Variants in ADGRV1 observed in about 807,000 individuals in gnomAD.
ADGRV1 encodes G-protein coupled receptor 98.
Under a neutral mutation model 596.2 loss-of-function variants are expected in ADGRV1, and 359 were observed. The ratio of observed to expected loss-of-function variants is 0.60; its 90% CI spans 0.55 to 0.66. The LOEUF (loss-of-function observed/expected upper bound fraction) is 0.66, where lower values mean the gene tolerates loss of function less well. Ranked by LOEUF, ADGRV1 falls within the 30% of genes least tolerant of loss-of-function variation. The pLI is 0.00. For missense variants in ADGRV1, 7,274 were observed against 7,575.6 expected, an observed-to-expected ratio of 0.96 and a Z score of 1.48; for synonymous variants, 2,681 against 2,679.2, an observed-to-expected ratio of 1.00 and a Z score of -0.02.
chr5:90,862,408 G>A (rs1043108642), intron 82 of ADGRV1, among the ~76,000 whole-genome samples: 3 of 151,876 alleles, frequency 2.0e-5, no homozygotes, highest in Admixed American at 6.6e-5. Context: ...ACATGCACAG[G>A]CATGCACATT....
intron 70 of ADGRV1, among the ~76,000 whole-genome samples, chr5:90,796,489 A>G (rs915896683): frequency 5.3e-5 from 8 of 152,232 alleles, no homozygotes; most frequent in Non-Finnish European, 7.3e-5. Flanking sequence ...TGAAAAGACT[A>G]CGTTTGATTG....
At chr5:91,115,241 G>A (rs2126716086) in intron 87 of ADGRV1, among the ~76,000 whole-genome samples, 1 of 152,296 alleles carries the variant, frequency 6.6e-6, no homozygotes, top group Non-Finnish European at 1.5e-5. Context: ...TGTACTCAAT[G>A]AGGTTAATCT....
At chr5:90,592,077 G>A (rs563815903) in intron 1 of ADGRV1, among the ~76,000 whole-genome samples, 49 of 152,324 alleles carry the variant, frequency 3.2e-4, no homozygotes, top group South Asian at 6.2e-4. Context: ...TTCCTTAAAA[G>A]TAGATCTGCC....
rs370292017 is a variant in ADGRV1 at position 91,099,320 on chromosome 5, C to T, written c.18311-2899C>T. 4.6e-5 allele frequency among the ~76,000 whole-genome samples: 7 copies of T among 152,216 alleles called. 2 individuals carry two copies. The South Asian group carries it at 1.4e-3, about 32-fold the overall frequency. On this transcript the variant is annotated intron_variant, in intron 86 of 89. Transcript: ENST00000405460. ...TTTCTCCTCACCACTTCCTTTCTCCCTCTTTGCCTCCTCTCCTTGTTCTTT... is the reference window on the plus strand; with the variant it reads ...TTTCTCCTCACCACTTCCTTTCTCCTTCTTTGCCTCCTCTCCTTGTTCTTT...
At chr5:91,004,471 A>G (rs1243220636) in intron 85 of ADGRV1, among the ~76,000 whole-genome samples, 1 of 151,836 alleles carries the variant, frequency 6.6e-6, no homozygotes, top group Non-Finnish European at 1.5e-5. Context: ...TATTCATCTG[A>G]TTTTTGGGGA....
At chr5:90,904,130 T>C (rs1214793281) in intron 83 of ADGRV1, among the ~76,000 whole-genome samples, 1 of 152,148 alleles carries the variant, frequency 6.6e-6, no homozygotes, top group Non-Finnish European at 1.5e-5. Context: ...CCATTGTGTA[T>C]GTGTACCACA....
intron 82 of ADGRV1, among the ~76,000 whole-genome samples, chr5:90,863,006 T>C (rs1459107050): frequency 6.6e-6 from 1 of 152,208 alleles, no homozygotes; most frequent in African/African-American, 2.4e-5. Flanking sequence ...CAAAGCAGTA[T>C]ACATATGTCA....
intron 64 of ADGRV1, 46 bp downstream of exon 64, chr5:90,779,143 GAA>G (rs767526761): frequency 1.6e-4 from 185 of 1,126,722 alleles, no homozygotes; most frequent in Middle Eastern, 9.8e-4. Flanking sequence ...AGAGCAGAGA[GAA>G]AGAGAGAAAG....
chr5:91,003,692 A>G (rs1225830299), intron 85 of ADGRV1, among the ~76,000 whole-genome samples: 2 of 152,224 alleles, frequency 1.3e-5, no homozygotes, highest in African/African-American at 2.4e-5. Flanking sequence ...TGGATATTTC[A>G]TGAACAGAGG....
chr5:91,055,422 C>T (rs1786754579), intron 85 of ADGRV1, among the ~76,000 whole-genome samples: 1 of 152,180 alleles, frequency 6.6e-6, no homozygotes, highest in South Asian at 2.1e-4. Context: ...CTGTCCTTTA[C>T]TGACTCCTTA....
At chr5:91,061,127 G>A (rs1275080133) in intron 85 of ADGRV1, among the ~76,000 whole-genome samples, 3 of 152,238 alleles carry the variant, frequency 2.0e-5, no homozygotes, top group South Asian at 2.1e-4. Flanking sequence ...TGGAGCAAGA[G>A]GTAAGAACAG....
At chr5:90,685,710 T>G in intron 28 of ADGRV1, 70 bp from the exon 29 acceptor site, 1 of 1,048,228 alleles carries the variant, frequency 9.5e-7, no homozygotes, top group East Asian at 2.5e-5. Context: ...TGAGGTTTCT[T>G]GATGACTTTT....
chr5:90,635,902 CTT>C (rs34780360), intron 10 of ADGRV1, among the ~76,000 whole-genome samples: 24 of 141,782 alleles, frequency 1.7e-4, no homozygotes, highest in African/African-American at 2.3e-4. Flanking sequence ...GCCTATAAAC[CTT>C]TTTTTTTTTT....
chr5:90,618,689 T>A (rs1763672036), intron 3 of ADGRV1, among the ~76,000 whole-genome samples: 1 of 152,138 alleles, frequency 6.6e-6, no homozygotes, highest in Non-Finnish European at 1.5e-5. Flanking sequence ...ATAGAATAAC[T>A]AATTCTAAAG....
At chr5:90,721,576 T>TAAAATA (rs1561595438) in intron 45 of ADGRV1, among the ~76,000 whole-genome samples, 1 of 119,914 alleles carries the variant, frequency 8.3e-6, no homozygotes, top group Non-Finnish European at 1.8e-5. Flanking sequence ...TAAAATAAAA[T>TAAAATA]AAAATAAAAT....
intron 85 of ADGRV1, among the ~76,000 whole-genome samples, chr5:91,039,585 A>T (rs974552403): frequency 1.3e-5 from 2 of 152,222 alleles, no homozygotes; most frequent in Non-Finnish European, 2.9e-5. Context: ...ATCCCAGAAC[A>T]TGGGGAAATA....
intron 75 of ADGRV1, 106 bp downstream of exon 75, chr5:90,815,842 G>A: frequency 1.5e-6 from 1 of 677,950 alleles, no homozygotes; most frequent in Non-Finnish European, 2.6e-6. Flanking sequence ...GAAGGAGGTA[G>A]TGTCGAATTT....
Position 90,737,455 on chromosome 5 carries a change from C to A in ADGRV1, c.10550-7591C>A, listed in dbSNP as rs1753390727. On this transcript the variant is annotated intron_variant, in intron 50 of 89. Coordinates refer to ENST00000405460, the MANE Select transcript of ADGRV1 (RefSeq NM_032119.4). ...ATGTCTGTTAGGTCTATTTGGTCTA[C>A]AGTGTAATTAAGTCCAGTGTTTTCT... Among the ~76,000 whole-genome samples the A allele has an allele frequency of 2.0e-5, 3 of 151,904 alleles. No individual in the cohort carries two copies. In the South Asian group the frequency reaches 6.2e-4, roughly 31 times the overall value.
intron 76 of ADGRV1, among the ~76,000 whole-genome samples, chr5:90,825,368 ATTATCAGTTATATGCAG>A (rs1763986164): frequency 6.6e-6 from 1 of 152,206 alleles, no homozygotes; most frequent in Non-Finnish European, 1.5e-5. Flanking sequence ...TCCTATGGAA[ATTATCAGTTATATGCAG>A]TGTTACAACT....
Sources: allele counts gnomAD v4.1 joint callset (sites outside exome capture counted in the v4.1 genomes callset), GRCh38; gene constraint gnomAD v4.1.1; transcripts MANE v1.5; gene names NCBI Gene and HGNC (gene_info 2026-07-23, HGNC 2026-07-21).